Variants in MKLN1 observed in about 807,000 individuals in gnomAD.
MKLN1 encodes the protein muskelin 1, also known as muskelin.
In MKLN1, 18 loss-of-function variants were observed where a neutral mutation model predicts 99.0. The observed-to-expected ratio is 0.18, with a 90% CI of 0.13 to 0.27. The LOEUF (loss-of-function observed/expected upper bound fraction) is 0.27, where lower values mean the gene tolerates loss of function less well. Among genes scored for constraint, MKLN1 ranks in the 10% least tolerant of loss-of-function variants. MKLN1 has a pLI of 1.00. For missense variants in MKLN1, 621 were observed against 875.9 expected (o/e 0.71, Z 3.67); for synonymous variants, 288 against 293.2 (o/e 0.98, Z 0.18).
rs201692781 is a variant in MKLN1 at position 131,397,263 on chromosome 7, A to G, written c.401-4A>G. 2 of 1,577,810 alleles carry G rather than the reference A, an allele frequency of 1.3e-6. No homozygotes were observed. Among genetic ancestry groups the G allele is most frequent in the Admixed American group, 1.8e-5 (1 of 54,832 alleles). ...CTTCTTCTTTTTGTTTTTTCTCCTTAAAGTTCCACTCTTGTCCTGGGGACC... is the reference window on the plus strand; with the variant it reads ...CTTCTTCTTTTTGTTTTTTCTCCTTGAAGTTCCACTCTTGTCCTGGGGACC... On this transcript the variant is annotated splice_region_variant and splice_polypyrimidine_tract_variant and intron_variant, in intron 4 of 17. Transcript: ENST00000352689.
intron 3 of MKLN1, among the ~76,000 whole-genome samples, chr7:131,235,288 A>G (rs1797303471): frequency 6.6e-6 from 1 of 151,368 alleles, no homozygotes; most frequent in South Asian, 2.1e-4. Flanking sequence ...AAGAAGACAC[A>G]CACACACTGT....
Position 131,134,018 on chromosome 7 carries a change from C to T in MKLN1, c.-418-8802C>T, listed in dbSNP as rs1427493671. The stretch of plus-strand genomic sequence containing the variant: ...CTAAGTTTTGTATTTTTAGTGGAGA[C>T]GGGGTTTCACCATGTTGGCCAGTCT... On this transcript the variant is annotated intron_variant, in intron 1 of 7. Coordinates refer to the MKLN1 transcript ENST00000416992. Among the ~76,000 whole-genome samples the T allele has an allele frequency of 1.5e-4, 22 of 150,972 alleles. No individual in the cohort carries two copies. The East Asian group carries it at 3.1e-3, about 22-fold the overall frequency.
At chr7:131,243,021 TA>T in intron 3 of MKLN1, 1 of 570,264 alleles carries the variant, frequency 1.8e-6, no homozygotes, top group Non-Finnish European at 3.3e-6. Context: ...TTTTGGTCAT[TA>T]AAAATTAAAC....
chr7:131,428,995 T>C, intron 8 of MKLN1, 38 bp from the exon 9 acceptor site: 1 of 1,545,850 alleles, frequency 6.5e-7, no homozygotes, highest in Non-Finnish European at 8.9e-7. Context: ...GCTTATTTTG[T>C]CCTTTTTTTT....
intron 3 of MKLN1, among the ~76,000 whole-genome samples, chr7:131,254,281 A>G (rs1797625092): frequency 6.6e-6 from 1 of 152,262 alleles, no homozygotes; most frequent in Non-Finnish European, 1.5e-5. Context: ...CACTAAAGAA[A>G]TAAACAAAAA....
chr7:131,241,446 C>T (rs1396724918), intron 3 of MKLN1, among the ~76,000 whole-genome samples: 3 of 150,294 alleles, frequency 2.0e-5, no homozygotes, highest in East Asian at 2.0e-4. Context: ...GTGGCTCACG[C>T]CTGTAATTCC....
chr7:131,320,181 C>T (rs1798749112), intron 3 of MKLN1, among the ~76,000 whole-genome samples: 4 of 152,192 alleles, frequency 2.6e-5, no homozygotes. Context: ...TCAAACTATA[C>T]TGCAAGGCTA....
At chr7:131,276,015 A>T (rs1371900071) in intron 3 of MKLN1, among the ~76,000 whole-genome samples, 2 of 152,164 alleles carry the variant, frequency 1.3e-5, no homozygotes, top group African/African-American at 4.8e-5. Context: ...AGGCAGATAC[A>T]TAGGGGAAGA....
intron 3 of MKLN1, among the ~76,000 whole-genome samples, chr7:131,254,219 A>T (rs188706043): frequency 6.6e-6 from 1 of 152,352 alleles, no homozygotes; most frequent in Admixed American, 6.5e-5. Flanking sequence ...AGCAACGTTA[A>T]GAGATTTCAC....
chr7:131,409,379 A>G (rs1393674147), intron 6 of MKLN1, among the ~76,000 whole-genome samples: 3 of 152,246 alleles, frequency 2.0e-5, no homozygotes, highest in Admixed American at 6.5e-5. Flanking sequence ...GTTCTTTTAC[A>G]TTAAAACAAG....
intron 15 of MKLN1, among the ~76,000 whole-genome samples, chr7:131,467,102 A>T (rs1190997226): frequency 6.6e-6 from 1 of 152,182 alleles, no homozygotes; most frequent in African/African-American, 2.4e-5. Context: ...TTATAATCCC[A>T]GCACTTTGGG....
intron 3 of MKLN1, among the ~76,000 whole-genome samples, chr7:131,302,446 C>T (rs6953818): frequency 0.031 from 4,747 of 152,266 alleles, 222 homozygotes; most frequent in African/African-American, 0.11. Flanking sequence ...CTACCTGGAG[C>T]GCTGGGGTAC....
chr7:131,198,300 T>C (rs1462111360), intron 2 of MKLN1, among the ~76,000 whole-genome samples: 1 of 152,234 alleles, frequency 6.6e-6, no homozygotes, highest in East Asian at 1.9e-4. Context: ...TATTCCAGCA[T>C]GTACAAACAC....
At chr7:131,463,928 T>C (rs938770737) in intron 13 of MKLN1, among the ~76,000 whole-genome samples, 1 of 152,228 alleles carries the variant, frequency 6.6e-6, no homozygotes, top group Admixed American at 6.5e-5. Flanking sequence ...CTAAGGAATT[T>C]ATTATTTTCT....
rs1563247298 is a variant in MKLN1 at position 131,192,132 on chromosome 7, A to AT, written c.-296-10725_-296-10724insT. ...TATTATATATATACGTATATATATA[A>AT]AAATATATATACGTATATATACATA... On this transcript the variant is annotated intron_variant, in intron 2 of 7. Coordinates refer to the MKLN1 transcript ENST00000416992. Among the ~76,000 whole-genome samples the AT allele has an allele frequency of 6.6e-4, 50 of 76,162 alleles. 11 individuals are homozygous for AT. The highest frequency in any genetic ancestry group is 9.9e-4 in the Non-Finnish European group (42 of 42,468). The allele number at this position is 76,162 out of a possible 152,430, so 50.0% of individuals were successfully genotyped here.
intron 1 of MKLN1, among the ~76,000 whole-genome samples, chr7:131,371,265 A>G (rs1793443001): frequency 6.6e-6 from 1 of 152,090 alleles, no homozygotes; most frequent in Admixed American, 6.5e-5. Flanking sequence ...TTCTTAAAAT[A>G]CTGTCTTCAC....
intron 13 of MKLN1, 34 bp downstream of exon 13, chr7:131,463,398 G>A: frequency 2.5e-6 from 4 of 1,582,568 alleles, no homozygotes; most frequent in Non-Finnish European, 3.4e-6. Context: ...CAATCCCAAT[G>A]TAATAATTAT....
Position 131,139,010 on chromosome 7 carries a change from G to C in MKLN1, c.-418-3810G>C, listed in dbSNP as rs6967005. Among the ~76,000 whole-genome samples the C allele has an allele frequency of 1.8e-3, 268 of 152,236 alleles. 1 individual carries two copies. The highest frequency in any genetic ancestry group is 6.0e-3 in the African/African-American group (249 of 41,532). The stretch of plus-strand genomic sequence containing the variant: ...CTTCGCTTCCACTCCTGGTTCTTAG[G>C]ATGGGGGACCTATTCCTGCAGTGTT... On this transcript the variant is annotated intron_variant, in intron 1 of 7. Transcript: ENST00000416992.
chr7:131,115,643 G>A (rs765220245), intron 1 of MKLN1, among the ~76,000 whole-genome samples: 2 of 152,034 alleles, frequency 1.3e-5, no homozygotes, highest in Non-Finnish European at 2.9e-5. Flanking sequence ...AGCCCTGTAC[G>A]GCATCCCCGA....
Sources: gnomAD v4.1 joint callset for allele counts (sites outside exome capture counted in the v4.1 genomes callset) on GRCh38, gnomAD v4.1.1 for gene constraint, MANE v1.5 for transcripts, NCBI Gene and HGNC (gene_info 2026-07-23, HGNC 2026-07-21) for gene names.